The following TAF5 variants were observed in gnomAD, a reference collection of about 807,000 sequenced individuals.
TAF5 encodes TATA-box binding protein associated factor 5.
A neutral mutation model predicts 80.9 loss-of-function variants in TAF5; 20 were observed. The ratio of observed to expected loss-of-function variants is 0.25; its 90% CI spans 0.17 to 0.36. The LOEUF (loss-of-function observed/expected upper bound fraction) is 0.36. Among genes scored for constraint, TAF5 ranks in the 10% least tolerant of loss-of-function variants. The pLI, the probability that TAF5 is intolerant of heterozygous loss-of-function variation, is 1.00. For missense variants in TAF5, 863 were observed against 1,029.4 expected (o/e 0.84, Z 2.21); for synonymous variants, 388 against 406.4 (o/e 0.95, Z 0.55).
intron 2 of TAF5, 38 bp downstream of exon 2, chr10:103,373,633 C>G (rs751686194): frequency 2.8e-6 from 4 of 1,448,028 alleles, no homozygotes; most frequent in Non-Finnish European, 3.8e-6. Flanking sequence ...TACACACATA[C>G]GTAGTGTGTG....
chr10:103,379,643 G>A lies in TAF5; in HGVS notation c.1149G>A (p.Glu383=). 1 of 1,592,634 alleles carries A rather than the reference G, an allele frequency of 6.3e-7. No homozygotes were observed. Among genetic ancestry groups the A allele is most frequent in the East Asian group, 2.2e-5 (1 of 44,686 alleles). ...GTTTATTAAAAGAACCAGAAATTGA[G>A]GTACCTTTGGATGACGAGGATGAAG... The part of the protein sequence containing the change: ...FFGLLKEPEI[E]VPLDDEDEEG... Residue 383 remains glutamate (E), a synonymous_variant, in exon 4 of 11, where the codon GAG becomes GAA. Transcript: ENST00000369839.
chr10:103,368,016 G>A lies in TAF5; in HGVS notation c.27G>A (p.Thr9=), dbSNP rs1223708963. The stretch of plus-strand genomic sequence containing the variant: ...TGGCGGCGCTGGCGGAGGAGCAGAC[G>A]GAGGTGGCGGTCAAGCTAGAGCCTG... MAALAEEQ[T]EVAVKLEPEG... is the part of the protein sequence containing the mutation. Residue 9 remains threonine (T), a synonymous_variant, in exon 1 of 11, where the codon ACG becomes ACA. Coordinates refer to ENST00000369839, the MANE Select transcript of TAF5 (RefSeq NM_006951.5). 2 of 1,466,034 alleles carry A rather than the reference G, an allele frequency of 1.4e-6. No individual in the cohort carries two copies. Among genetic ancestry groups the A allele is most frequent in the Non-Finnish European group, 1.8e-6 (2 of 1,115,038 alleles). 90.8% of individuals were successfully genotyped at this position (1,466,034 alleles called of 1,614,324 possible). A position where few individuals can be genotyped will look rare whatever the true frequency, so the allele number is the denominator to read the frequency against.
chr10:103,369,149 T>C lies in TAF5; in HGVS notation c.559+601T>C, dbSNP rs557969463. Among the ~76,000 whole-genome samples, 3 of 151,384 alleles carry C rather than the reference T, an allele frequency of 2.0e-5. No homozygotes were observed. The East Asian group carries it at 5.9e-4, about 30-fold the overall frequency. On this transcript the variant is annotated intron_variant, in intron 1 of 10. Transcript: ENST00000369839. ...TCCTACTGCCACGGCCGGCTAATTTTTGTATTTTTAGTAGAGGCGGGCTTT... is the reference window on the plus strand; with the variant it reads ...TCCTACTGCCACGGCCGGCTAATTTCTGTATTTTTAGTAGAGGCGGGCTTT...
rs772495724 is a variant in TAF5 at position 103,381,804 on chromosome 10, A to G, written c.1497A>G (p.Val499=). Residue 499 remains valine (V), a synonymous_variant, in exon 6 of 11, where the codon GTA becomes GTG. Transcript: ENST00000369839. Reference sequence around the variant, plus strand: ...ATTCAACTGTCAGAGTGTGGTCGGTAACACCCAAAAAGCTTCGTAGTGTCA... The same window carrying G: ...ATTCAACTGTCAGAGTGTGGTCGGTGACACCCAAAAAGCTTCGTAGTGTCA... ...FADSTVRVWS[V]TPKKLRSVKQ... is the part of the protein sequence containing the mutation. 1.2e-6 allele frequency: 2 copies of G among 1,614,180 alleles called. No individual in the cohort carries two copies. The highest frequency in any genetic ancestry group is 1.7e-6 in the Non-Finnish European group (2 of 1,180,024).
chr10:103,384,791 TCTGA>T (rs756526535), intron 7 of TAF5, among the ~76,000 whole-genome samples: 11 of 152,222 alleles, frequency 7.2e-5, no homozygotes, highest in South Asian at 2.1e-4. Context: ...GTAATAACCT[TCTGA>T]CTATCAATCT....
At chr10:103,370,706 G>C (rs1185168116) in intron 1 of TAF5, among the ~76,000 whole-genome samples, 1 of 152,102 alleles carries the variant, frequency 6.6e-6, no homozygotes, top group East Asian at 1.9e-4. Flanking sequence ...CCTGAAACCT[G>C]AGCCCCTCCT....
rs780802685 is a variant in TAF5 at position 103,368,444 on chromosome 10, C to T, written c.455C>T (p.Thr152Ile). Residue 152 changes from threonine (T) to isoleucine (I), a missense_variant, in exon 1 of 11, where the codon ACC becomes ATC. Thr to Ile is a moderately conservative substitution (Grantham distance 89). Around this residue, in one of 3 missense-constraint regions of TAF5, gnomAD observed 367 missense variants for 335.5 expected, o/e 1.09. Transcript: ENST00000369839. ...ACCAGCGCGCTTCTCAGCCGGGTGA[C>T]CGCCTCGGCCCCTGGCCCTGCGGCC... ...EVTSALLSRV[T>I]ASAPGPAAPD... 7.0e-6 allele frequency: 11 copies of T among 1,581,016 alleles called. No homozygotes were observed. The highest frequency in any genetic ancestry group is 4.1e-4 in the Middle Eastern group (2 of 4,878).
chr10:103,383,187 A>C (rs755023143), intron 6 of TAF5, 51 bp from the exon 7 acceptor site: 14 of 1,485,222 alleles, frequency 9.4e-6, no homozygotes, highest in Non-Finnish European at 1.3e-5. Context: ...ATTACTTTAA[A>C]AGTTTTGATG....
chr10:103,375,008 A>G (rs1436318074), intron 2 of TAF5, among the ~76,000 whole-genome samples: 2 of 148,982 alleles, frequency 1.3e-5, no homozygotes, highest in Non-Finnish European at 1.5e-5. Context: ...AATCCCAGCT[A>G]TTTGGGAGGC....
chr10:103,382,866 G>A (rs999987986), intron 6 of TAF5, among the ~76,000 whole-genome samples: 9 of 151,940 alleles, frequency 5.9e-5, no homozygotes, highest in African/African-American at 1.5e-4. Flanking sequence ...GGCTGGTCTC[G>A]AACTCCTCTG....
At chr10:103,369,311 C>T (rs573546652) in intron 1 of TAF5, among the ~76,000 whole-genome samples, 46 of 149,848 alleles carry the variant, frequency 3.1e-4, no homozygotes, top group African/African-American at 1.1e-3. Flanking sequence ...CAGTCCTGCA[C>T]ATCATGTACC....
intron 8 of TAF5, 28 bp downstream of exon 8, chr10:103,385,518 G>C: frequency 6.2e-7 from 1 of 1,608,718 alleles, no homozygotes; most frequent in Non-Finnish European, 8.5e-7. Context: ...TTATGACTGG[G>C]TCTATTCAAT....
chr10:103,368,648 T>C, intron 1 of TAF5, 100 bp downstream of exon 1: 1 of 1,367,850 alleles, frequency 7.3e-7, no homozygotes, highest in Non-Finnish European at 9.4e-7. Flanking sequence ...TTGTTTTGAA[T>C]TTCCTGGGCC....
chr10:103,387,544 T>C lies in TAF5; in HGVS notation c.2031T>C (p.Phe677=). ...GHKGPIHSLT[F]SPNGRFLATG... Reference sequence around the variant, plus strand: ...AGGGACCAATTCATTCCTTGACATTTTCTCCCAATGGGAGATTCCTGGCTA... The same window carrying C: ...AGGGACCAATTCATTCCTTGACATTCTCTCCCAATGGGAGATTCCTGGCTA... The change falls in exon 10 of 11, where the codon TTT becomes TTC. Residue 677 remains phenylalanine (F), a synonymous_variant. Coordinates refer to ENST00000369839, the MANE Select transcript of TAF5 (RefSeq NM_006951.5). 1 of 1,613,534 alleles carries C rather than the reference T, an allele frequency of 6.2e-7. No individual in the cohort carries two copies. The highest frequency in any genetic ancestry group is 2.2e-5 in the East Asian group (1 of 44,868).
intron 2 of TAF5, among the ~76,000 whole-genome samples, chr10:103,376,442 A>G (rs1023497743): frequency 3.3e-5 from 5 of 152,116 alleles, no homozygotes; most frequent in African/African-American, 1.2e-4. Context: ...AAGATTTATC[A>G]CTTAACACAG....
At position 103,378,102 on chromosome 10, in the gene TAF5, T is replaced by C. The variant is rs1391824749; in HGVS notation, c.798-133T>C. 3 of 687,808 alleles carry C rather than the reference T, an allele frequency of 4.4e-6. No homozygotes were observed. The Admixed American group carries it at 9.6e-5, about 22-fold the overall frequency. The allele number at this position is 687,808 out of a possible 1,614,324, so 42.6% of individuals were successfully genotyped here. On this transcript the variant is annotated intron_variant, in intron 2 of 10. Transcript: ENST00000369839. The surrounding 1 kb of genome is among the most constrained non-coding windows in gnomAD (Gnocchi z 4.1). ...TCATTTTGAAATGAGTTACTTCTTA[T>C]CCTACAGCTTAGTTCAGGATTATTT... is the stretch of plus-strand genomic sequence containing the variant.
chr10:103,380,280 C>T (rs997255840), intron 5 of TAF5, among the ~76,000 whole-genome samples: 7 of 152,124 alleles, frequency 4.6e-5, no homozygotes, highest in South Asian at 2.1e-4. Flanking sequence ...AGGCGCATAC[C>T]GCCATGCCCG....
chr10:103,369,213 A>G (rs543494990), intron 1 of TAF5, among the ~76,000 whole-genome samples: 2 of 151,964 alleles, frequency 1.3e-5, no homozygotes, highest in African/African-American at 4.8e-5. Context: ...TCCTGACCTC[A>G]GATGATCCAC....
chr10:103,385,925 CAAAAAAAA>C (rs761128565), intron 8 of TAF5, among the ~76,000 whole-genome samples: 2 of 41,198 alleles, frequency 4.9e-5, no homozygotes, highest in Non-Finnish European at 7.9e-5. Context: ...GACTTCATCT[CAAAAAAAA>C]AAAAAAAAAA....
Sources: gnomAD v4.1 joint callset for allele counts (sites outside exome capture counted in the v4.1 genomes callset) on GRCh38, gnomAD v4.1.1 for gene constraint, gnomAD v4.1.1 regional missense constraint, Gnocchi (gnomAD v3.1) non-coding constraint, MANE v1.5 for transcripts, NCBI Gene and HGNC (gene_info 2026-07-23, HGNC 2026-07-21) for gene names.